TRPC4: variants seen among roughly 807,000 people sequenced by gnomAD.
The protein encoded by TRPC4 is transient receptor potential cation channel subfamily C member 4, also known as short transient receptor potential channel 4.
In TRPC4, 49 loss-of-function variants were observed where a neutral mutation model predicts 99.4. The ratio of observed to expected loss-of-function variants is 0.49; its 90% CI spans 0.39 to 0.63. The LOEUF (loss-of-function observed/expected upper bound fraction) is 0.63. Among genes scored for constraint, TRPC4 ranks in the 20% least tolerant of loss-of-function variants. TRPC4 has a pLI of 0.00. For missense variants in TRPC4, 898 were observed against 1,152.9 expected (o/e 0.78, Z 3.20); for synonymous variants, 454 against 425.9 (o/e 1.07, Z -0.81).
rs951510719 is a variant in TRPC4 at position 37,720,222 on chromosome 13, T to G, written c.897+25715A>C. On this transcript the variant is annotated intron_variant, in intron 3 of 10. Coordinates refer to ENST00000379705, the MANE Select transcript of TRPC4 (RefSeq NM_016179.4). ...ATTGCCCTATAAAATAATAAAGTTG[T>G]GTTGCTTTGAGCCACTATGCAAAAA... 3.3e-5 allele frequency among the ~76,000 whole-genome samples: 5 copies of G among 152,298 alleles called. No individual in the cohort carries two copies. The South Asian group carries it at 1.0e-3, about 32-fold the overall frequency.
chr13:37,794,147 C>T (rs997469770), intron 1 of TRPC4, among the ~76,000 whole-genome samples: 1 of 151,944 alleles, frequency 6.6e-6, no homozygotes. Context: ...AAAAAACTTA[C>T]ACTAAAAAGG....
intron 1 of TRPC4, among the ~76,000 whole-genome samples, chr13:37,820,509 C>T (rs1187896120): frequency 6.6e-6 from 1 of 152,046 alleles, no homozygotes; most frequent in African/African-American, 2.4e-5. Context: ...AGTTCAATAT[C>T]CTTGTCAAAT....
intron 1 of TRPC4, among the ~76,000 whole-genome samples, chr13:37,843,681 G>GAC (rs5802907): frequency 0.3 from 40,592 of 133,938 alleles, 5,531 homozygotes; most frequent in East Asian, 0.47. Context: ...GATGTTTGGT[G>GAC]ACACACACAC....
chr13:37,683,558 C>A (rs1291625107), intron 4 of TRPC4, among the ~76,000 whole-genome samples: 2 of 152,016 alleles, frequency 1.3e-5, no homozygotes, highest in Non-Finnish European at 2.9e-5. Flanking sequence ...AGTGTGGAGG[C>A]ACAACAGGGC....
rs915206904 is a variant in TRPC4, at chr13:37,675,308, C to T, written c.1235-941G>A. On this transcript the variant is annotated intron_variant, in intron 4 of 10. Coordinates refer to ENST00000379705, the MANE Select transcript of TRPC4 (RefSeq NM_016179.4). ...GAGACGAGAAATCAAGGAATCTAAA[C>T]TTTAAAATATATGCACGTTCCTCTA... Among the ~76,000 whole-genome samples the T allele has an allele frequency of 3.3e-5, 5 of 152,142 alleles. No homozygotes were observed. In the South Asian group the frequency reaches 8.3e-4, roughly 25 times the overall value.
At chr13:37,733,351 T>C (rs1334197241) in intron 3 of TRPC4, among the ~76,000 whole-genome samples, 1 of 152,136 alleles carries the variant, frequency 6.6e-6, no homozygotes, top group Non-Finnish European at 1.5e-5. Context: ...AGGCTCTGAT[T>C]CAAGAGAAGG....
At chr13:37,649,101 A>C (rs943258374) in intron 8 of TRPC4, among the ~76,000 whole-genome samples, 8 of 152,142 alleles carry the variant, frequency 5.3e-5, no homozygotes, top group Non-Finnish European at 1.0e-4. Context: ...ATCTTATCAG[A>C]GATCAATTAA....
intron 1 of TRPC4, among the ~76,000 whole-genome samples, chr13:37,803,218 A>AT (rs1957449090): frequency 6.6e-6 from 1 of 151,924 alleles, no homozygotes; most frequent in East Asian, 1.9e-4. Context: ...CTCATCTTGC[A>AT]TTTTCCCTGC....
At chr13:37,802,918 T>C (rs1369577277) in intron 1 of TRPC4, among the ~76,000 whole-genome samples, 1 of 152,106 alleles carries the variant, frequency 6.6e-6, no homozygotes, top group Non-Finnish European at 1.5e-5. Context: ...CCTCATTCCT[T>C]CTACAATTAT....
intron 1 of TRPC4, among the ~76,000 whole-genome samples, chr13:37,842,104 CA>C (rs1019610396): frequency 6.6e-6 from 1 of 151,112 alleles, no homozygotes; most frequent in Non-Finnish European, 1.5e-5. Flanking sequence ...ACCCCATCAC[CA>C]CTAAAAATAC....
At chr13:37,797,003 G>A (rs9532121) in intron 1 of TRPC4, among the ~76,000 whole-genome samples, 2,795 of 131,368 alleles carry the variant, frequency 0.021, 90 homozygotes, top group African/African-American at 0.075. Context: ...GTAAAGTAAA[G>A]TAAAATAAAA....
intron 1 of TRPC4, among the ~76,000 whole-genome samples, chr13:37,842,813 A>G (rs995625950): frequency 1.3e-5 from 2 of 151,670 alleles, no homozygotes; most frequent in African/African-American, 4.8e-5. Context: ...CAGGTCATAG[A>G]GCTTTTTGAA....
intron 2 of TRPC4, among the ~76,000 whole-genome samples, chr13:37,771,009 CTATT>C (rs1017769356): frequency 5.1e-4 from 77 of 151,558 alleles, no homozygotes; most frequent in African/African-American, 1.8e-3. Flanking sequence ...TTTGATATGG[CTATT>C]TATTAGGTAT....
At position 37,723,098 on chromosome 13, in the gene TRPC4, C is replaced by T. The variant is rs577790413; in HGVS notation, c.897+22839G>A. Among the ~76,000 whole-genome samples, 25 of 152,180 alleles carry T rather than the reference C, an allele frequency of 1.6e-4. No individual in the cohort carries two copies. In the South Asian group the frequency reaches 3.5e-3, roughly 21 times the overall value. On this transcript the variant is annotated intron_variant, in intron 3 of 10. Transcript: ENST00000379705. ...CTCTCTCTCTTCAAACATATAAACA[C>T]GCAAATGCACACATGCACACACATG...
At chr13:37,867,628 TTCTA>T (rs1199437524) in intron 1 of TRPC4, among the ~76,000 whole-genome samples, 19 of 152,192 alleles carry the variant, frequency 1.2e-4, no homozygotes, top group African/African-American at 3.6e-4. Context: ...TTGTCATTGT[TTCTA>T]TCTTTCATCT....
chr13:37,781,626 T>C (rs971761921), intron 2 of TRPC4, among the ~76,000 whole-genome samples: 1 of 152,126 alleles, frequency 6.6e-6, no homozygotes, highest in Non-Finnish European at 1.5e-5. Flanking sequence ...CAAATTTTTG[T>C]AGCAGTAAAC....
At chr13:37,827,561 G>T (rs549573896) in intron 1 of TRPC4, among the ~76,000 whole-genome samples, 1,566 of 152,226 alleles carry the variant, frequency 0.01, 14 homozygotes, top group Non-Finnish European at 0.015. Flanking sequence ...CCTGCTGGGG[G>T]GTGCCTCCCA....
intron 3 of TRPC4, among the ~76,000 whole-genome samples, chr13:37,734,888 A>G (rs939401571): frequency 1.6e-4 from 25 of 152,130 alleles, no homozygotes; most frequent in Middle Eastern, 6.8e-3. Flanking sequence ...ACCATGGAGG[A>G]TGGGCTTAGT....
At chr13:37,658,759 G>C (rs1034309894) in intron 6 of TRPC4, among the ~76,000 whole-genome samples, 7 of 152,160 alleles carry the variant, frequency 4.6e-5, no homozygotes, top group African/African-American at 1.7e-4. Flanking sequence ...GTAACATGTA[G>C]TTCTTCTCAG....
Sources: allele counts gnomAD v4.1 joint callset (sites outside exome capture counted in the v4.1 genomes callset), GRCh38; gene constraint gnomAD v4.1.1; transcripts MANE v1.5; gene names NCBI Gene and HGNC (gene_info 2026-07-23, HGNC 2026-07-21).